The following SNX29 variants were observed in gnomAD, a reference collection of about 807,000 sequenced individuals.
SNX29 encodes the protein sorting nexin-29.
A neutral mutation model predicts 102.1 loss-of-function variants in SNX29; 78 were observed. The ratio of observed to expected loss-of-function variants is 0.76; its 90% CI spans 0.64 to 0.92. The LOEUF (loss-of-function observed/expected upper bound fraction) is 0.92, where lower values mean the gene tolerates loss of function less well. SNX29 is among the 40% of genes least tolerant of loss of function. The pLI, the probability that SNX29 is intolerant of heterozygous loss-of-function variation, is 0.00. For missense variants in SNX29, 1,280 were observed against 1,061.7 expected (o/e 1.21, Z -2.86); for synonymous variants, 580 against 414.5 (o/e 1.40, Z -4.85).
chr16:12,349,008 C>T (rs2081913805), intron 15 of SNX29, among the ~76,000 whole-genome samples: 1 of 152,174 alleles, frequency 6.6e-6, no homozygotes, highest in African/African-American at 2.4e-5. Context: ...CCCCATTCCT[C>T]AGCTTGTTTA....
intron 13 of SNX29, among the ~76,000 whole-genome samples, chr16:12,160,046 G>A (rs1235247321): frequency 1.3e-5 from 2 of 152,204 alleles, no homozygotes; most frequent in African/African-American, 4.8e-5. Flanking sequence ...CTAGTCAGAT[G>A]TCTCTAACAA....
chr16:12,427,383 C>CA (rs960421725), intron 18 of SNX29, among the ~76,000 whole-genome samples: 7 of 152,044 alleles, frequency 4.6e-5, no homozygotes, highest in African/African-American at 1.7e-4. Flanking sequence ...AGTTTGCCAC[C>CA]TCTGATAGGA....
intron 14 of SNX29, among the ~76,000 whole-genome samples, chr16:12,265,208 C>T (rs2078890001): frequency 6.6e-6 from 1 of 152,174 alleles, no homozygotes; most frequent in Non-Finnish European, 1.5e-5. Flanking sequence ...CTGTCTGGCA[C>T]AGCTGTCCGC....
intron 15 of SNX29, among the ~76,000 whole-genome samples, chr16:12,280,650 C>T (rs900015989): frequency 1.3e-5 from 2 of 152,144 alleles, no homozygotes; most frequent in Non-Finnish European, 1.5e-5. Context: ...ATTTTTCCTT[C>T]TTTTTTGGTT....
intron 1 of SNX29, among the ~76,000 whole-genome samples, chr16:11,997,699 A>G (rs2056134673): frequency 6.6e-6 from 1 of 151,974 alleles, no homozygotes; most frequent in Non-Finnish European, 1.5e-5. Flanking sequence ...GGCTGGTCTC[A>G]AACTCCTGAT....
chr16:12,348,344 C>G (rs948565647), intron 15 of SNX29, among the ~76,000 whole-genome samples: 5 of 152,208 alleles, frequency 3.3e-5, no homozygotes, highest in Non-Finnish European at 2.9e-5. Flanking sequence ...CTGGGGAGCT[C>G]CTAGACTCTT....
intron 15 of SNX29, among the ~76,000 whole-genome samples, chr16:12,335,476 G>A (rs1275044447): frequency 1.3e-5 from 2 of 152,032 alleles, no homozygotes; most frequent in Non-Finnish European, 2.9e-5. Context: ...ACCAGCCTGG[G>A]CAACATAGGG....
At chr16:12,124,807 G>C (rs1212928101) in intron 11 of SNX29, among the ~76,000 whole-genome samples, 10 of 152,150 alleles carry the variant, frequency 6.6e-5, no homozygotes, top group Non-Finnish European at 5.9e-5. Context: ...GCCTGGTTTT[G>C]TGGTTCTGTC....
intron 15 of SNX29, among the ~76,000 whole-genome samples, chr16:12,352,885 A>G (rs978694036): frequency 3.3e-5 from 5 of 152,330 alleles, no homozygotes; most frequent in Admixed American, 2.0e-4. Flanking sequence ...ATTAATTTTC[A>G]TGAAATACAA....
At chr16:12,157,603 T>G (rs917587810) in intron 13 of SNX29, among the ~76,000 whole-genome samples, 1 of 152,012 alleles carries the variant, frequency 6.6e-6, no homozygotes, top group East Asian at 1.9e-4. Context: ...CTTTGAAACG[T>G]GGTTATGAAG....
Position 12,161,326 on chromosome 16 carries a change from C to T in SNX29, c.1595+31568C>T, listed in dbSNP as rs566144202. Among the ~76,000 whole-genome samples, 14 of 152,330 alleles carry T rather than the reference C, an allele frequency of 9.2e-5. No homozygotes were observed. The South Asian group carries it at 2.3e-3, about 25-fold the overall frequency. On this transcript the variant is annotated intron_variant, in intron 13 of 20. Coordinates refer to ENST00000566228, the MANE Select transcript of SNX29 (RefSeq NM_032167.5). ...AGGCGCAGCTTGGTGGACTCCATCACGAGGTTCCCCGACCTCTGACTTATG... is the reference window on the plus strand; with the variant it reads ...AGGCGCAGCTTGGTGGACTCCATCATGAGGTTCCCCGACCTCTGACTTATG...
At chr16:12,157,418 G>T (rs1229681057) in intron 13 of SNX29, among the ~76,000 whole-genome samples, 1 of 152,166 alleles carries the variant, frequency 6.6e-6, no homozygotes, top group Non-Finnish European at 1.5e-5. Context: ...GGGACGTGGG[G>T]TCATGATGTC....
intron 15 of SNX29, among the ~76,000 whole-genome samples, chr16:12,295,274 A>G (rs563976720): frequency 6.6e-6 from 1 of 152,338 alleles, no homozygotes; most frequent in East Asian, 1.9e-4. Context: ...CAGCGGGGTC[A>G]CCGGTTCCCT....
chr16:12,554,881 G>C (rs960830154), intron 20 of SNX29, among the ~76,000 whole-genome samples: 3 of 152,170 alleles, frequency 2.0e-5, no homozygotes, highest in African/African-American at 4.8e-5. Context: ...AGATATGTCA[G>C]CATGCCATAC....
At chr16:12,465,064 T>G (rs1302769032) in intron 18 of SNX29, among the ~76,000 whole-genome samples, 2 of 152,226 alleles carry the variant, frequency 1.3e-5, no homozygotes, top group African/African-American at 4.8e-5. Flanking sequence ...AATGTCTGTT[T>G]ACATCCTTTG....
chr16:12,372,234 A>T (rs1032046923), intron 16 of SNX29, among the ~76,000 whole-genome samples: 1 of 152,228 alleles, frequency 6.6e-6, no homozygotes, highest in African/African-American at 2.4e-5. Context: ...TTCTTCAGTC[A>T]TGAATATATG....
chr16:12,401,331 G>A (rs2083931563), intron 17 of SNX29, among the ~76,000 whole-genome samples: 1 of 147,792 alleles, frequency 6.8e-6, no homozygotes, highest in Non-Finnish European at 1.5e-5. Context: ...ATCATCCAAA[G>A]TATCTTCCTT....
chr16:12,184,341 T>G (rs2076461604), intron 13 of SNX29, among the ~76,000 whole-genome samples: 1 of 152,204 alleles, frequency 6.6e-6, no homozygotes, highest in African/African-American at 2.4e-5. Context: ...AGATGGTCCT[T>G]GAGGCTGAGT....
intron 18 of SNX29, among the ~76,000 whole-genome samples, chr16:12,427,811 C>G (rs964324253): frequency 8.5e-5 from 13 of 152,192 alleles, no homozygotes; most frequent in African/African-American, 3.1e-4. Context: ...TTGAAAATGA[C>G]CCCATGACTG....
Sources: allele counts gnomAD v4.1 joint callset (sites outside exome capture counted in the v4.1 genomes callset), GRCh38; gene constraint gnomAD v4.1.1; transcripts MANE v1.5; gene names NCBI Gene and HGNC (gene_info 2026-07-23, HGNC 2026-07-21).